GAREM1: variants seen among roughly 807,000 people sequenced by gnomAD.
The protein encoded by GAREM1 is GRB2-associated and regulator of MAPK protein 1.
A neutral mutation model predicts 71.3 loss-of-function variants in GAREM1; 26 were observed. The observed-to-expected ratio is 0.36, with a 90% CI of 0.27 to 0.51. The LOEUF is 0.51. Ranked by LOEUF, GAREM1 falls within the 20% of genes least tolerant of loss-of-function variation. GAREM1 has a pLI of 0.95. For missense variants in GAREM1, 1,026 were observed against 1,103.1 expected (o/e 0.93, Z 0.99); for synonymous variants, 440 against 433.2 (o/e 1.02, Z -0.20).
chr18:32,410,753 A>AAT (rs1307442272), intron 1 of GAREM1, among the ~76,000 whole-genome samples: 6 of 152,200 alleles, frequency 3.9e-5, no homozygotes, highest in Non-Finnish European at 8.8e-5. Context: ...TAAAGGACTC[A>AAT]ATATAGTACT....
intron 2 of GAREM1, among the ~76,000 whole-genome samples, chr18:32,389,606 T>TA (rs995946884): frequency 6.6e-6 from 1 of 151,802 alleles, no homozygotes; most frequent in South Asian, 2.1e-4. Flanking sequence ...TTAGCTGCCC[T>TA]AAAAAAAAGT....
chr18:32,459,208 A>G (rs538637258), intron 1 of GAREM1, among the ~76,000 whole-genome samples: 5 of 152,268 alleles, frequency 3.3e-5, no homozygotes, highest in Non-Finnish European at 5.9e-5. Context: ...ATAATAGCAA[A>G]ATGTTGGTAA....
At chr18:32,277,285 G>A (rs533133994) in intron 4 of GAREM1, among the ~76,000 whole-genome samples, 2 of 152,230 alleles carry the variant, frequency 1.3e-5, no homozygotes, top group African/African-American at 4.8e-5. Flanking sequence ...AAAGAAACTT[G>A]AAAAAATGTG....
rs2144488978 is a variant in GAREM1, at chr18:32,263,576, C to G, written c.*4295G>C. The stretch of plus-strand genomic sequence containing the variant: ...TTTCAGAACCATTTAAATCAACAGA[C>G]AAGGAAATTTTTAGACATAACATAC... On this transcript the variant is annotated 3_prime_UTR_variant, in exon 6 of 6. Coordinates refer to ENST00000269209, the MANE Select transcript of GAREM1 (RefSeq NM_001242409.2). The G allele has an allele frequency of 6.6e-6, 1 of 152,186 alleles. No individual in the cohort carries two copies. Among genetic ancestry groups the G allele is most frequent in the South Asian group, 2.1e-4 (1 of 4,818 alleles). The allele number at this position is 152,186 out of a possible 1,614,324, so 9.4% of individuals were successfully genotyped here.
At chr18:32,452,341 G>C (rs1215575614) in intron 1 of GAREM1, among the ~76,000 whole-genome samples, 1 of 152,160 alleles carries the variant, frequency 6.6e-6, no homozygotes, top group Admixed American at 6.5e-5. Flanking sequence ...AGCCAGATGA[G>C]AAAAGTCAAA....
At chr18:32,337,654 T>C (rs2047610395) in intron 2 of GAREM1, among the ~76,000 whole-genome samples, 1 of 152,152 alleles carries the variant, frequency 6.6e-6, no homozygotes, top group African/African-American at 2.4e-5. Flanking sequence ...ACATTTGATA[T>C]GACAATGAGT....
At chr18:32,401,827 G>A (rs1193924234) in intron 1 of GAREM1, among the ~76,000 whole-genome samples, 1 of 152,180 alleles carries the variant, frequency 6.6e-6, no homozygotes, top group African/African-American at 2.4e-5. Flanking sequence ...TAAAGAGGCA[G>A]CCAAGAAACA....
rs775846989 is a variant in GAREM1, at chr18:32,287,642, G to T, written c.955C>A (p.Pro319Thr). 3 of 1,614,174 alleles carry T rather than the reference G, an allele frequency of 1.9e-6. No homozygotes were observed. The East Asian group carries it at 6.7e-5, about 36-fold the overall frequency. The change falls in exon 4 of 6, where the codon CCC becomes ACC. Residue 319 changes from proline to threonine, a missense_variant. Physicochemically the swap from Pro to Thr is conservative, Grantham distance 38 (BLOSUM62 -1). Transcript: ENST00000269209. The surrounding 1 kb of genome is among the most constrained non-coding windows in gnomAD (Gnocchi z 5.9). ...AGCCAGTGATGGACCAGGGTTTCGG[G>T]CCAGCTCTCTCCCTTCACCAGGTGT... is the stretch of plus-strand genomic sequence containing the variant. Reference protein sequence around the residue: ...PEHLVKGESWPETLVHHWLGI... With the variant: ...PEHLVKGESWTETLVHHWLGI...
chr18:32,459,247 T>C (rs1288207232), intron 1 of GAREM1, among the ~76,000 whole-genome samples: 3 of 152,120 alleles, frequency 2.0e-5, no homozygotes, highest in Non-Finnish European at 4.4e-5. Context: ...TACAATATTA[T>C]CAGTCCTGGA....
Position 32,362,788 on chromosome 18 carries a change from G to A in GAREM1, c.262+30107C>T, listed in dbSNP as rs116071626. Among the ~76,000 whole-genome samples the A allele has an allele frequency of 2.3e-3, 351 of 152,266 alleles. 4 individuals carry two copies. The highest frequency in any genetic ancestry group is 8.2e-3 in the African/African-American group (340 of 41,560). Reference sequence around the variant, plus strand: ...CGTGGATACTAATGAGGAAAGGAGAGATGTTTATCAGCCATGTTTGCATTT... The same window carrying A: ...CGTGGATACTAATGAGGAAAGGAGAAATGTTTATCAGCCATGTTTGCATTT... On this transcript the variant is annotated intron_variant, in intron 2 of 5. Transcript: ENST00000269209.
Position 32,372,380 on chromosome 18 carries a change from A to C in GAREM1, c.262+20515T>G, listed in dbSNP as rs1470644792. Among the ~76,000 whole-genome samples the C allele has an allele frequency of 2.6e-5, 4 of 152,312 alleles. No individual in the cohort carries two copies. In the East Asian group the frequency reaches 7.7e-4, roughly 29 times the overall value. On this transcript the variant is annotated intron_variant, in intron 2 of 5. Coordinates refer to ENST00000269209, the MANE Select transcript of GAREM1 (RefSeq NM_001242409.2). ...GACGCACACTAATCTGCTTCTTACT[A>C]CTGAGAAACAACACAGCACAGTCAG...
chr18:32,321,321 C>G (rs577332921), intron 2 of GAREM1, among the ~76,000 whole-genome samples: 1 of 152,162 alleles, frequency 6.6e-6, no homozygotes, highest in Non-Finnish European at 1.5e-5. Context: ...TCTCCTTTGC[C>G]TTTGCTCATG....
Position 32,421,857 on chromosome 18 carries a change from C to T in GAREM1, c.122-28822G>A, listed in dbSNP as rs141312792. 3.3e-5 allele frequency among the ~76,000 whole-genome samples: 5 copies of T among 152,250 alleles called. No individual in the cohort carries two copies. The East Asian group carries it at 9.7e-4, about 29-fold the overall frequency. On this transcript the variant is annotated intron_variant, in intron 1 of 5. Transcript: ENST00000269209. ...ACCTTCCCAAGCTAGACACAAGTTA[C>T]CTTTCCAGCACATCATCCTCTTCCA...
At chr18:32,334,148 C>T (rs2047565635) in intron 2 of GAREM1, among the ~76,000 whole-genome samples, 1 of 152,130 alleles carries the variant, frequency 6.6e-6, no homozygotes, top group African/African-American at 2.4e-5. Flanking sequence ...CCAGATACTT[C>T]AATTCCCAAT....
At chr18:32,425,495 C>G (rs1271029911) in intron 1 of GAREM1, among the ~76,000 whole-genome samples, 1 of 152,140 alleles carries the variant, frequency 6.6e-6, no homozygotes, top group African/African-American at 2.4e-5. Context: ...GTTTTGTGCT[C>G]TGTACTACCT....
intron 2 of GAREM1, among the ~76,000 whole-genome samples, chr18:32,370,271 T>TA (rs2047965215): frequency 6.6e-6 from 1 of 151,676 alleles, no homozygotes; most frequent in African/African-American, 2.4e-5. Context: ...CTACTAAAAA[T>TA]AAAAAAATTA....
chr18:32,342,579 C>T (rs74937633), intron 2 of GAREM1, among the ~76,000 whole-genome samples: 1,789 of 152,286 alleles, frequency 0.012, 49 homozygotes, highest in African/African-American at 0.041. Flanking sequence ...TCCTACACAC[C>T]TCAGCTCACA....
intron 2 of GAREM1, among the ~76,000 whole-genome samples, chr18:32,389,463 G>A (rs2048176060): frequency 6.6e-6 from 1 of 152,146 alleles, no homozygotes; most frequent in East Asian, 1.9e-4. Context: ...AGGAAACAAA[G>A]ATTTAAAGAG....
At chr18:32,382,597 G>A (rs562935792) in intron 2 of GAREM1, among the ~76,000 whole-genome samples, 198 of 152,238 alleles carry the variant, frequency 1.3e-3, no homozygotes, top group African/African-American at 4.6e-3. Context: ...TTATACTCAC[G>A]TGGGAAACAT....
Sources: gnomAD v4.1 joint callset for allele counts (sites outside exome capture counted in the v4.1 genomes callset) on GRCh38, gnomAD v4.1.1 for gene constraint, Gnocchi (gnomAD v3.1) non-coding constraint, MANE v1.5 for transcripts, NCBI Gene and HGNC (gene_info 2026-07-23, HGNC 2026-07-21) for gene names.